The following ATP2A3 variants were observed in gnomAD, a reference collection of about 807,000 sequenced individuals.
The protein encoded by ATP2A3 is ATPase sarcoplasmic/endoplasmic reticulum Ca2+ transporting 3.
ATP2A3 carries 61 observed loss-of-function variants against 106.8 expected under a neutral mutation model. The observed-to-expected ratio is 0.57, with a 90% CI of 0.46 to 0.71. The LOEUF (loss-of-function observed/expected upper bound fraction) is 0.71. Ranked by LOEUF, ATP2A3 falls within the 30% of genes least tolerant of loss-of-function variation. The pLI is 0.00. For missense variants in ATP2A3, 1,201 were observed against 1,423.5 expected (o/e 0.84, Z 2.52); for synonymous variants, 611 against 609.3 (o/e 1.00, Z -0.04).
intron 7 of ATP2A3, among the ~76,000 whole-genome samples, chr17:3,950,255 G>A (rs12948983): frequency 0.18 from 27,148 of 150,244 alleles, 2,596 homozygotes; most frequent in Middle Eastern, 0.28. Flanking sequence ...TCCGCCTCCC[G>A]GGCTCAAGTG....
chr17:3,945,736 T>C (rs542719956), intron 8 of ATP2A3, among the ~76,000 whole-genome samples: 1 of 152,328 alleles, frequency 6.6e-6, no homozygotes, highest in African/African-American at 2.4e-5. Flanking sequence ...CCTATTTCTT[T>C]GTCTGTTCAG....
chr17:3,953,267 G>T lies in ATP2A3; in HGVS notation c.219+80C>A. 6.7e-7 allele frequency: 1 copy of T among 1,487,260 alleles called. No individual in the cohort carries two copies. The highest frequency in any genetic ancestry group is 9.4e-7 in the Non-Finnish European group (1 of 1,065,720). 92.1% of individuals were successfully genotyped at this position (1,487,260 alleles called of 1,614,324 possible). The stretch of plus-strand genomic sequence containing the variant: ...GTGTGGAGGACAGGCCCAGGCTCCA[G>T]GACCTCGGAGCACTGCCCAGCCTGG... On this transcript the variant is annotated intron_variant, in intron 3 of 20. Transcript: ENST00000397041. This position sits in a 1 kb window ranked among gnomAD's most constrained non-coding sequence, Gnocchi z 5.1.
chr17:3,936,399 C>T lies in ATP2A3; in HGVS notation c.2392G>A (p.Val798Met). The change falls in exon 16 of 21, where the codon GTG becomes ATG. Residue 798 changes from valine to methionine, a missense_variant. Transcript: ENST00000397041. This position sits in a 1 kb window ranked among gnomAD's most constrained non-coding sequence, Gnocchi z 5.4. ...IPVQLLWVNL[V>M]TDGLPATALG... is the part of the protein sequence containing the mutation. ...GCCGTGGCAGGTAGGCCGTCTGTCA[C>T]CAGGTTCACCCAGAGCAGCTGCACA... 2 of 1,614,058 alleles carry T rather than the reference C, an allele frequency of 1.2e-6. No individual in the cohort carries two copies. The highest frequency in any genetic ancestry group is 1.7e-6 in the Non-Finnish European group (2 of 1,180,012).
rs369710492 is a variant in ATP2A3, at chr17:3,947,577, C to T, written c.909G>A (p.Ala303=). 2.3e-5 allele frequency: 37 copies of T among 1,612,686 alleles called. No homozygotes were observed. Among genetic ancestry groups the T allele is most frequent in the Middle Eastern group, 1.6e-4 (1 of 6,084 alleles). ...VYYFKIAVAL[A]VAAIPEGLPA... ...GGAGGCCCTCGGGGATGGCCGCCAC[C>T]GCCAGGGCCACGGCGATCTTGAAGT... Residue 303 remains alanine (A), a synonymous_variant, in exon 8 of 21, where the codon GCG becomes GCA. Transcript: ENST00000397041. This position sits in a 1 kb window ranked among gnomAD's most constrained non-coding sequence, Gnocchi z 7.7.
chr17:3,924,828 G>C lies in ATP2A3; in HGVS notation c.*594C>G, dbSNP rs866316001. ...TGCACATATAAACAGAAGCAGCCTC[G>C]AGCTCTCGGGAGCCGACTTTGTGGA... On this transcript the variant is annotated 3_prime_UTR_variant, in exon 21 of 21. Coordinates refer to ENST00000397041, the MANE Select transcript of ATP2A3 (RefSeq NM_005173.4). The surrounding 1 kb of genome is among the most constrained non-coding windows in gnomAD (Gnocchi z 6.4). 1 of 456,704 alleles carries C rather than the reference G, an allele frequency of 2.2e-6. No homozygotes were observed. The highest frequency in any genetic ancestry group is 4.4e-6 in the Non-Finnish European group (1 of 227,004). 28.3% of individuals were successfully genotyped at this position (456,704 alleles called of 1,614,324 possible).
At chr17:3,934,157 C>T (rs2053287325) in intron 17 of ATP2A3, among the ~76,000 whole-genome samples, 1 of 152,046 alleles carries the variant, frequency 6.6e-6, no homozygotes, top group South Asian at 2.1e-4. Context: ...CTCCTGACCT[C>T]AAGTGATCCG....
At position 3,930,414 on chromosome 17, in the gene ATP2A3, G is replaced by T. The variant is rs112214270; in HGVS notation, c.2631C>A (p.Ser877=). 1.4e-3 allele frequency: 2,230 copies of T among 1,613,958 alleles called. 24 individuals are homozygous for T. The African/African-American group carries it at 0.026, about 19-fold the overall frequency. Residue 877 remains serine, a synonymous_variant, in exon 18 of 21, where the codon TCC becomes TCA. Coordinates refer to ENST00000397041, the MANE Select transcript of ATP2A3 (RefSeq NM_005173.4). This position sits in a 1 kb window ranked among gnomAD's most constrained non-coding sequence, Gnocchi z 5.4. ...TGCCGGCAAAGAGCGGGTTGTCTTC[G>T]GAGCACTTCAGGAAGTTCCTCTGGG... is the stretch of plus-strand genomic sequence containing the variant. ...FYQLRNFLKC[S]EDNPLFAGID...
At chr17:3,951,546 G>C (rs2302298) in intron 4 of ATP2A3, 35 bp downstream of exon 4, 528,127 of 1,312,510 alleles carry the variant, frequency 0.4, 113,879 homozygotes, top group African/African-American at 0.54. Flanking sequence ...CTGGGAGACC[G>C]CCCCCCGCCC....
Position 3,926,834 on chromosome 17 carries a change from G to A in ATP2A3, c.2981-1393C>T. 32 of 984,198 alleles carry A rather than the reference G, an allele frequency of 3.3e-5. No individual in the cohort carries two copies. The highest frequency in any genetic ancestry group is 3.7e-5 in the Non-Finnish European group (31 of 828,822). The allele number at this position is 984,198 out of a possible 1,614,324, so 61.0% of individuals were successfully genotyped here. On this transcript the variant is annotated intron_variant, in intron 20 of 20. Coordinates refer to ENST00000397041, the MANE Select transcript of ATP2A3 (RefSeq NM_005173.4). This position sits in a 1 kb window ranked among gnomAD's most constrained non-coding sequence, Gnocchi z 4.6. ...TCTGCCCACCTCGGCCTCCCAAAGT[G>A]CTGGGATGACAGGTGTGAGCCACTG...
At chr17:3,944,612 G>C in intron 10 of ATP2A3, 92 bp downstream of exon 10, 1 of 1,363,206 alleles carries the variant, frequency 7.3e-7, no homozygotes, top group Non-Finnish European at 1.0e-6. Flanking sequence ...CAGGGAGCAA[G>C]GGCTGCCAAC....
At chr17:3,957,220 G>A (rs1243909607) in intron 1 of ATP2A3, among the ~76,000 whole-genome samples, 1 of 152,226 alleles carries the variant, frequency 6.6e-6, no homozygotes, top group East Asian at 1.9e-4. Context: ...GGATGCCATT[G>A]TTATGCCCAT....
At chr17:3,932,750 G>A (rs1277989409) in intron 17 of ATP2A3, among the ~76,000 whole-genome samples, 2 of 150,108 alleles carry the variant, frequency 1.3e-5, no homozygotes, top group South Asian at 2.1e-4. Context: ...ATTTGGTGCT[G>A]ATCATAGAGA....
rs1157529987 is a variant in ATP2A3 at position 3,941,580 on chromosome 17, G to T, written c.1620C>A (p.Thr540=). ...VGSRTAPLTP[T]SREQILAKIR... ...TCTTTGCCAGGATCTGCTCCCTGGAGGTGGGGGTCAGGGGTGCTGTGCGGC... is the reference window on the plus strand; with the variant it reads ...TCTTTGCCAGGATCTGCTCCCTGGATGTGGGGGTCAGGGGTGCTGTGCGGC... The change falls in exon 13 of 21, where the codon ACC becomes ACA. Residue 540 remains threonine (T), a synonymous_variant. Coordinates refer to ENST00000397041, the MANE Select transcript of ATP2A3 (RefSeq NM_005173.4). The T allele has an allele frequency of 6.8e-6, 11 of 1,613,236 alleles. No individual in the cohort carries two copies. In the South Asian group the frequency reaches 1.2e-4, roughly 18 times the overall value.
intron 3 of ATP2A3, among the ~76,000 whole-genome samples, chr17:3,952,920 C>T (rs553238465): frequency 3.9e-5 from 6 of 152,250 alleles, no homozygotes; most frequent in South Asian, 2.1e-4. Flanking sequence ...TGGTCATCCC[C>T]GGGAGGTGCT....
intron 8 of ATP2A3, among the ~76,000 whole-genome samples, chr17:3,945,829 A>G (rs2144566808): frequency 6.6e-6 from 1 of 152,310 alleles, no homozygotes; most frequent in African/African-American, 2.4e-5. Context: ...CCCAGCGCCC[A>G]GTAGATGCAT....
Position 3,936,563 on chromosome 17 carries a change from C to A in ATP2A3, c.2322-94G>T, listed in dbSNP as rs756849014. The A allele has an allele frequency of 6.6e-6, 9 of 1,354,000 alleles. No individual in the cohort carries two copies. The highest frequency in any genetic ancestry group is 9.5e-6 in the Non-Finnish European group (9 of 952,182). The allele number at this position is 1,354,000 out of a possible 1,614,324, so 83.9% of individuals were successfully genotyped here. On this transcript the variant is annotated intron_variant, in intron 15 of 20. Transcript: ENST00000397041. The surrounding 1 kb of genome is among the most constrained non-coding windows in gnomAD (Gnocchi z 5.4). ...CTCAGACCCAAGGCTGGGAGCTCAC[C>A]CACCCACTGTCTCCACAGCAGCCCC...
chr17:3,932,074 G>A (rs56381250), intron 17 of ATP2A3, among the ~76,000 whole-genome samples: 9,235 of 152,228 alleles, frequency 0.061, 910 homozygotes, highest in African/African-American at 0.21. Context: ...GATAGTGGAC[G>A]TTTTCTCCAA....
In ATP2A3 at chr17:3,928,277, G is replaced by A. The variant is rs1188093073; in HGVS notation, c.2980+386C>T. On this transcript the variant is annotated intron_variant, in intron 20 of 20. Transcript: ENST00000397041. The surrounding 1 kb of genome is among the most constrained non-coding windows in gnomAD (Gnocchi z 6.1). ...GGGGTCCAAGAGGTGGTCAGCGGCTGCCTACTCCAGGCCTGCGAGACTGTC... is the reference window on the plus strand; with the variant it reads ...GGGGTCCAAGAGGTGGTCAGCGGCTACCTACTCCAGGCCTGCGAGACTGTC... 1.2e-6 allele frequency: 2 copies of A among 1,613,418 alleles called. No individual in the cohort carries two copies. The highest frequency in any genetic ancestry group is 8.5e-7 in the Non-Finnish European group (1 of 1,180,036).
chr17:3,964,294 CG>C lies in ATP2A3; in HGVS notation c.-4del. On this transcript the variant is annotated 5_prime_UTR_variant, in exon 1 of 21. Transcript: ENST00000397041. ...GGGAGCAGATGCGCCGCCTCCATGC[CG>C]CCCGCCCGGCCGTCTGCGCCGTCCG... 1 of 1,255,656 alleles carries C rather than the reference CG, an allele frequency of 8.0e-7. No individual in the cohort carries two copies. The allele number at this position is 1,255,656 out of a possible 1,614,324, so 77.8% of individuals were successfully genotyped here. A position where few individuals can be genotyped will look rare whatever the true frequency, so the allele number is the denominator to read the frequency against.
Sources: allele counts gnomAD v4.1 joint callset (sites outside exome capture counted in the v4.1 genomes callset), GRCh38; gene constraint gnomAD v4.1.1; non-coding constraint Gnocchi (gnomAD v3.1); transcripts MANE v1.5; gene names NCBI Gene and HGNC (gene_info 2026-07-23, HGNC 2026-07-21).